The following UNC5A variants were observed in gnomAD, a reference collection of about 807,000 sequenced individuals.
The protein encoded by UNC5A is netrin receptor UNC5A.
A neutral mutation model predicts 87.4 loss-of-function variants in UNC5A; 20 were observed. The observed-to-expected ratio is 0.23, with a 90% CI of 0.16 to 0.33. The LOEUF is 0.33. Ranked by LOEUF, UNC5A falls within the 10% of genes least tolerant of loss-of-function variation. The pLI, the probability that UNC5A is intolerant of heterozygous loss-of-function variation, is 1.00. For missense variants in UNC5A, 844 were observed against 1,133.4 expected, an observed-to-expected ratio of 0.74 and a Z score of 3.67; for synonymous variants, 438 against 482.3, an observed-to-expected ratio of 0.91 and a Z score of 1.20.
chr5:176,860,499 G>A (rs1025731438), intron 1 of UNC5A, among the ~76,000 whole-genome samples: 3 of 152,230 alleles, frequency 2.0e-5, no homozygotes, highest in Admixed American at 1.3e-4. Context: ...TGGGTCCCAC[G>A]TCTGGGTCAG....
At chr5:176,870,591 C>A in intron 6 of UNC5A, 57 bp downstream of exon 6, 1 of 1,508,096 alleles carries the variant, frequency 6.6e-7, no homozygotes, top group Non-Finnish European at 8.9e-7. Context: ...CCTTGCCCAG[C>A]CCTGGGGAGG....
rs1757456036 is a variant in UNC5A, at chr5:176,848,085, T to C, written c.71-14539T>C. 6.8e-6 allele frequency among the ~76,000 whole-genome samples: 1 copy of C among 147,632 alleles called. No individual in the cohort carries two copies. Among genetic ancestry groups the C allele is most frequent in the African/African-American group, 2.5e-5 (1 of 39,822 alleles). Reference sequence around the variant, plus strand: ...GCATCCAGCAGCCCCTCCAGGCCCCTACTGACCAGCTGACCAGCAGCCCCC... The same window carrying C: ...GCATCCAGCAGCCCCTCCAGGCCCCCACTGACCAGCTGACCAGCAGCCCCC... On this transcript the variant is annotated intron_variant, in intron 1 of 14. Transcript: ENST00000329542. This position sits in a 1 kb window ranked among gnomAD's most constrained non-coding sequence, Gnocchi z 5.8.
At position 176,874,044 on chromosome 5, in the gene UNC5A, T is replaced by C. The variant is rs1414500921; in HGVS notation, c.963T>C (p.Leu321=). The part of the protein sequence containing the change: ...AVAVCLVLLL[L]VLILVYCRKK... ...CCGTCTGCCTGGTCCTGCTGCTGCT[T>C]GTCCTCATCCTCGTTTATTGCCGGA... is the stretch of plus-strand genomic sequence containing the variant. Residue 321 remains leucine, a synonymous_variant, in exon 7 of 15, where the codon CTT becomes CTC. Coordinates refer to ENST00000329542, the MANE Select transcript of UNC5A (RefSeq NM_133369.3). The surrounding 1 kb of genome is among the most constrained non-coding windows in gnomAD (Gnocchi z 7.6). 1.2e-6 allele frequency: 2 copies of C among 1,614,104 alleles called. No individual in the cohort carries two copies. The highest frequency in any genetic ancestry group is 1.3e-5 in the African/African-American group (1 of 75,054).
chr5:176,830,128 C>T (rs999654011), intron 1 of UNC5A, among the ~76,000 whole-genome samples: 1 of 152,158 alleles, frequency 6.6e-6, no homozygotes, highest in East Asian at 1.9e-4. Flanking sequence ...GTCCCTGTCA[C>T]CTTCCTCTCT....
intron 2 of UNC5A, among the ~76,000 whole-genome samples, 181 bp downstream of exon 2, chr5:176,863,026 G>A (rs1757881037): frequency 6.6e-6 from 1 of 152,248 alleles, no homozygotes; most frequent in South Asian, 2.1e-4. Flanking sequence ...TGATGACCAA[G>A]GAGCTCCCAG....
At chr5:176,857,517 C>T (rs1286814964) in intron 1 of UNC5A, among the ~76,000 whole-genome samples, 1 of 152,008 alleles carries the variant, frequency 6.6e-6, no homozygotes, top group Non-Finnish European at 1.5e-5. Flanking sequence ...CACACACATG[C>T]ATGCCACACA....
chr5:176,850,780 G>T (rs1269033336), intron 1 of UNC5A, among the ~76,000 whole-genome samples: 1 of 152,148 alleles, frequency 6.6e-6, no homozygotes, highest in Non-Finnish European at 1.5e-5. Flanking sequence ...GGGTCCAAGC[G>T]GGCTCATCTG....
At chr5:176,832,133 G>C (rs1217257695) in intron 1 of UNC5A, among the ~76,000 whole-genome samples, 1 of 152,118 alleles carries the variant, frequency 6.6e-6, no homozygotes, top group Non-Finnish European at 1.5e-5. Context: ...CTGACTTCAG[G>C]TGATCCACCC....
At chr5:176,876,471 C>T (rs1758264352) in intron 8 of UNC5A, among the ~76,000 whole-genome samples, 2 of 152,210 alleles carry the variant, frequency 1.3e-5, no homozygotes, top group Non-Finnish European at 2.9e-5. Context: ...TCCCTGCTCA[C>T]CACCTCTAGA....
intron 1 of UNC5A, among the ~76,000 whole-genome samples, chr5:176,821,685 G>T (rs1260331351): frequency 6.6e-6 from 1 of 152,204 alleles, no homozygotes; most frequent in Non-Finnish European, 1.5e-5. Flanking sequence ...AAAAATTCTA[G>T]AAATTGTAGT....
At chr5:176,876,179 G>C (rs138532113) in intron 8 of UNC5A, among the ~76,000 whole-genome samples, 1 of 152,354 alleles carries the variant, frequency 6.6e-6, no homozygotes, top group South Asian at 2.1e-4. Context: ...ATGTAAGTGC[G>C]TGTACCTTCC....
intron 1 of UNC5A, among the ~76,000 whole-genome samples, chr5:176,858,720 A>AGG (rs1757727628): frequency 1.2e-5 from 1 of 85,602 alleles, no homozygotes; most frequent in African/African-American, 3.5e-5. Context: ...AAAGAGAGAG[A>AGG]GAGAAGGAAG....
intron 1 of UNC5A, among the ~76,000 whole-genome samples, chr5:176,835,080 G>A (rs532684813): frequency 6.6e-6 from 1 of 152,378 alleles, no homozygotes; most frequent in South Asian, 2.1e-4. Context: ...GGCAACCCCT[G>A]CACTCTGCAG....
Position 176,810,700 on chromosome 5 carries a change from T to TCCCGCCCGCGGGGCCCCGCGCCCGG in UNC5A, c.-41_-17dup. ...CCGGGCTGAGGCGCTAAAGCCGCCC[T>TCCCGCCCGCGGGGCCCCGCGCCCGG]CCCGCCCGCGGGGCCCCGCGCCCGG... is the stretch of plus-strand genomic sequence containing the variant. On this transcript the variant is annotated 5_prime_UTR_variant, in exon 1 of 15. Coordinates refer to ENST00000329542, the MANE Select transcript of UNC5A (RefSeq NM_133369.3). This position sits in a 1 kb window ranked among gnomAD's most constrained non-coding sequence, Gnocchi z 7.3. 2.5e-6 allele frequency: 2 copies of TCCCGCCCGCGGGGCCCCGCGCCCGG among 786,836 alleles called. No homozygotes were observed. Among genetic ancestry groups the TCCCGCCCGCGGGGCCCCGCGCCCGG allele is most frequent in the African/African-American group, 3.8e-5 (2 of 52,710 alleles). 48.7% of individuals were successfully genotyped at this position (786,836 alleles called of 1,614,324 possible). A position where few individuals can be genotyped will look rare whatever the true frequency, so the allele number is the denominator to read the frequency against.
At chr5:176,850,100 C>G (rs1441164840) in intron 1 of UNC5A, among the ~76,000 whole-genome samples, 1 of 152,256 alleles carries the variant, frequency 6.6e-6, no homozygotes, top group African/African-American at 2.4e-5. Context: ...CATGCAGCCC[C>G]ACGTCCCCCA....
chr5:176,862,463 G>T (rs915064061), intron 1 of UNC5A, among the ~76,000 whole-genome samples, 161 bp from the exon 2 acceptor site: 20 of 152,188 alleles, frequency 1.3e-4, no homozygotes, highest in African/African-American at 4.8e-4. Flanking sequence ...CCCGGGTGGG[G>T]GATGGTCATT....
In UNC5A at chr5:176,879,997, C is replaced by G. The variant is rs1402560106; in HGVS notation, c.*111C>G. ...ACCGGGGAGAGCTGCTCGGACAGGCCCCCTCCCGGCCGAAGCTGTCCCTTA... is the reference window on the plus strand; with the variant it reads ...ACCGGGGAGAGCTGCTCGGACAGGCGCCCTCCCGGCCGAAGCTGTCCCTTA... On this transcript the variant is annotated 3_prime_UTR_variant, in exon 15 of 15. Transcript: ENST00000329542. 1 of 1,371,454 alleles carries G rather than the reference C, an allele frequency of 7.3e-7. No homozygotes were observed. The allele number at this position is 1,371,454 out of a possible 1,614,324, so 85.0% of individuals were successfully genotyped here.
In UNC5A at chr5:176,870,551, C is replaced by G; in HGVS notation, c.886+17C>G. 6.4e-7 allele frequency: 1 copy of G among 1,561,248 alleles called. No individual in the cohort carries two copies. The highest frequency in any genetic ancestry group is 8.7e-7 in the Non-Finnish European group (1 of 1,147,656). ...GTGTACACAGTGAGTCCTCTCTGCC[C>G]TGAGGTCCTCTTCTGTTTGCCTGGA... On this transcript the variant is annotated intron_variant, in intron 6 of 14. Coordinates refer to ENST00000329542, the MANE Select transcript of UNC5A (RefSeq NM_133369.3).
intron 1 of UNC5A, among the ~76,000 whole-genome samples, chr5:176,835,522 G>A (rs1757132034): frequency 6.6e-6 from 1 of 152,222 alleles, no homozygotes; most frequent in Non-Finnish European, 1.5e-5. Flanking sequence ...CGCTCCCTGT[G>A]CTGGCATTTT....
Sources: gnomAD v4.1 joint callset for allele counts (sites outside exome capture counted in the v4.1 genomes callset) on GRCh38, gnomAD v4.1.1 for gene constraint, Gnocchi (gnomAD v3.1) non-coding constraint, MANE v1.5 for transcripts, NCBI Gene and HGNC (gene_info 2026-07-23, HGNC 2026-07-21) for gene names.